C2CD3: variants seen among roughly 807,000 people sequenced by gnomAD.
C2CD3 encodes the protein C2 domain-containing protein 3.
Under a neutral mutation model 234.0 loss-of-function variants are expected in C2CD3, and 148 were observed. That is an observed-to-expected ratio of 0.63 (90% confidence interval 0.55 to 0.72). C2CD3 has a LOEUF of 0.72. Among genes scored for constraint, C2CD3 ranks in the 30% least tolerant of loss-of-function variants. The pLI is 0.00. For missense variants in C2CD3, 2,577 were observed against 2,811.5 expected, an observed-to-expected ratio of 0.92 and a Z score of 1.89; for synonymous variants, 1,000 against 1,035.4, an observed-to-expected ratio of 0.97 and a Z score of 0.66.
Position 74,034,010 on chromosome 11 carries a change from A to T in C2CD3, c.6150T>A (p.Ser2050Arg), listed in dbSNP as rs746742441. 13 of 1,536,386 alleles carry T rather than the reference A, an allele frequency of 8.5e-6. No individual in the cohort carries two copies. The South Asian group carries it at 1.5e-4, about 18-fold the overall frequency. The change falls in exon 31 of 33, where the codon AGT (serine) becomes AGA (arginine). Residue 2050 changes from serine (S) to arginine (R), a missense_variant. Ser to Arg is a moderately radical substitution (Grantham distance 110). Coordinates refer to ENST00000334126, the MANE Select transcript of C2CD3 (RefSeq NM_001286577.2). ...HAVPITRMQS[S>R]EDTEAGPAYS... The stretch of plus-strand genomic sequence containing the variant: ...AGGCTGGGCCTGCCTCAGTGTCTTC[A>T]CTGCTCTGCATCCTTGTAATGGGTA...
At chr11:74,054,900 C>T (rs1215337228) in intron 25 of C2CD3, among the ~76,000 whole-genome samples, 2 of 152,182 alleles carry the variant, frequency 1.3e-5, no homozygotes, top group Non-Finnish European at 2.9e-5. Context: ...CCTGACACAA[C>T]ATTTCCTCCC....
intron 2 of C2CD3, among the ~76,000 whole-genome samples, chr11:74,161,838 G>A (rs1163797967): frequency 1.3e-5 from 1 of 78,944 alleles, no homozygotes; most frequent in Non-Finnish European, 2.4e-5. Flanking sequence ...TTTTTTTCTT[G>A]AGACAGGGTC....
intron 7 of C2CD3, 36 bp from the exon 8 acceptor site, chr11:74,123,171 A>G (rs981018261): frequency 6.4e-7 from 1 of 1,552,122 alleles, no homozygotes. Flanking sequence ...AAGAATTTTA[A>G]TAGAAGTTTC....
chr11:74,116,917 TACATATAC>T (rs1956970081), intron 9 of C2CD3, among the ~76,000 whole-genome samples: 1 of 117,142 alleles, frequency 8.5e-6, no homozygotes, highest in African/African-American at 3.9e-5. Context: ...TATGTATATA[TACATATAC>T]ACGTGTATAT....
intron 16 of C2CD3, among the ~76,000 whole-genome samples, chr11:74,096,449 A>C (rs1956110744): frequency 6.6e-6 from 1 of 151,508 alleles, no homozygotes; most frequent in Admixed American, 6.6e-5. Context: ...GAAAAACAGG[A>C]AACTTGCAAT....
Position 74,113,912 on chromosome 11 carries a change from G to A in C2CD3, c.1731-20C>T. On this transcript the variant is annotated intron_variant, in intron 10 of 32. Coordinates refer to ENST00000334126, the MANE Select transcript of C2CD3 (RefSeq NM_001286577.2). ...AAAGTGCTAAAAAGAAAAAAAAAGT[G>A]ATTAAAAACTAACCAAACAATAAAC... is the stretch of plus-strand genomic sequence containing the variant. 7.3e-7 allele frequency: 1 copy of A among 1,367,814 alleles called. No individual in the cohort carries two copies. Among genetic ancestry groups the A allele is most frequent in the South Asian group, 1.3e-5 (1 of 79,142 alleles). 84.7% of individuals were successfully genotyped at this position (1,367,814 alleles called of 1,614,324 possible). A position where few individuals can be genotyped will look rare whatever the true frequency, so the allele number is the denominator to read the frequency against.
At chr11:74,166,446 G>C (rs1055025764) in intron 2 of C2CD3, among the ~76,000 whole-genome samples, 1 of 151,688 alleles carries the variant, frequency 6.6e-6, no homozygotes, top group Non-Finnish European at 1.5e-5. Context: ...TATGAAATTT[G>C]GGTGCTGGCA....
chr11:74,023,928 C>A (rs1280672649), intron 32 of C2CD3, among the ~76,000 whole-genome samples: 1 of 152,076 alleles, frequency 6.6e-6, no homozygotes, highest in Non-Finnish European at 1.5e-5. Context: ...CCAATGAATA[C>A]CAATGAATCT....
chr11:74,094,198 G>T (rs1222012654), intron 17 of C2CD3, among the ~76,000 whole-genome samples, 199 bp from the exon 18 acceptor site: 2 of 136,418 alleles, frequency 1.5e-5, no homozygotes, highest in Non-Finnish European at 3.1e-5. Flanking sequence ...ACACTTGTTA[G>T]GTTTTTTTTT....
chr11:74,158,945 T>G (rs1478562223), intron 3 of C2CD3, among the ~76,000 whole-genome samples: 1 of 152,166 alleles, frequency 6.6e-6, no homozygotes, highest in Non-Finnish European at 1.5e-5. Flanking sequence ...AGTATGAAGG[T>G]TCCTCACAAA....
intron 14 of C2CD3, among the ~76,000 whole-genome samples, chr11:74,101,548 C>CA (rs1419285157): frequency 1.3e-5 from 2 of 151,912 alleles, no homozygotes; most frequent in Non-Finnish European, 1.5e-5. Flanking sequence ...TCCTTGAAAC[C>CA]AAAAAAAGTA....
At chr11:74,094,608 G>C (rs1956037954) in intron 17 of C2CD3, among the ~76,000 whole-genome samples, 1 of 152,158 alleles carries the variant, frequency 6.6e-6, no homozygotes, top group Non-Finnish European at 1.5e-5. Context: ...GGAGACAGTA[G>C]GAGGCAGTGA....
intron 8 of C2CD3, 115 bp from the exon 9 acceptor site, chr11:74,118,497 GAA>G (rs1957101029): frequency 1.6e-6 from 1 of 641,994 alleles, no homozygotes; most frequent in Non-Finnish European, 2.6e-6. Context: ...TTCTCTTAAA[GAA>G]AGAACTGACA....
At chr11:74,166,235 AG>A (rs1337828161) in intron 2 of C2CD3, among the ~76,000 whole-genome samples, 2 of 151,450 alleles carry the variant, frequency 1.3e-5, no homozygotes, top group Non-Finnish European at 2.9e-5. Flanking sequence ...GCGTGAACCC[AG>A]GAAGTGGGAG....
At chr11:74,103,662 T>C (rs1410853966) in intron 13 of C2CD3, 37 bp from the exon 14 acceptor site, 1 of 1,546,112 alleles carries the variant, frequency 6.5e-7, no homozygotes, top group Non-Finnish European at 8.7e-7. Context: ...AATAAGAATG[T>C]CCTTTAGAAT....
rs1956518931 is a variant in C2CD3, at chr11:74,106,367, A to G, written c.2085+4T>C. The G allele has an allele frequency of 1.2e-6, 2 of 1,613,950 alleles. No individual in the cohort carries two copies. Among genetic ancestry groups the G allele is most frequent in the African/African-American group, 1.3e-5 (1 of 75,048 alleles). ...TCTGACTTCCTGAATGTATATCTACATACCTTGAGGGGGCCAAATGGAGAC... is the reference window on the plus strand; with the variant it reads ...TCTGACTTCCTGAATGTATATCTACGTACCTTGAGGGGGCCAAATGGAGAC... On this transcript the variant is annotated splice_donor_region_variant and intron_variant, in intron 13 of 32. Transcript: ENST00000334126.
At chr11:74,163,243 A>G (rs17132770) in intron 2 of C2CD3, among the ~76,000 whole-genome samples, 2,456 of 152,330 alleles carry the variant, frequency 0.016, 66 homozygotes, top group African/African-American at 0.056. Flanking sequence ...TCTGTAAAGT[A>G]GGCTCATAAT....
At chr11:74,145,760 A>G (rs1229242978) in intron 3 of C2CD3, among the ~76,000 whole-genome samples, 1 of 152,150 alleles carries the variant, frequency 6.6e-6, no homozygotes, top group Non-Finnish European at 1.5e-5. Flanking sequence ...AATCTTCCGC[A>G]TATAGCTAGC....
intron 20 of C2CD3, among the ~76,000 whole-genome samples, chr11:74,088,843 T>C (rs1955764764): frequency 6.6e-6 from 1 of 152,202 alleles, no homozygotes; most frequent in Non-Finnish European, 1.5e-5. Context: ...ACTATTCTTC[T>C]TTTAAGACTC....
Sources: gnomAD v4.1 joint callset for allele counts (sites outside exome capture counted in the v4.1 genomes callset) on GRCh38, gnomAD v4.1.1 for gene constraint, MANE v1.5 for transcripts, NCBI Gene and HGNC (gene_info 2026-07-23, HGNC 2026-07-21) for gene names.